Variants in CHD7 observed in about 807,000 individuals in gnomAD.
The protein encoded by CHD7 is ATP-dependent chromatin remodeler CHD7.
In CHD7, 24 loss-of-function variants were observed where a neutral mutation model predicts 307.3. The ratio of observed to expected loss-of-function variants is 0.08; its 90% CI spans 0.06 to 0.11. The LOEUF is 0.11. Ranked by LOEUF, CHD7 falls within the 10% of genes least tolerant of loss-of-function variation. The pLI, the probability that CHD7 is intolerant of heterozygous loss-of-function variation, is 1.00. For missense variants in CHD7, 3,106 were observed against 3,727.1 expected (o/e 0.83, Z 4.34); for synonymous variants, 1,363 against 1,349.9 (o/e 1.01, Z -0.21).
chr8:60,823,618 A>G (rs946021642), intron 12 of CHD7, among the ~76,000 whole-genome samples: 2 of 152,184 alleles, frequency 1.3e-5, no homozygotes, highest in Admixed American at 1.3e-4. Context: ...CTCTGTTAGG[A>G]AATTAGATCC....
chr8:60,693,574 T>G (rs1563520230), intron 1 of CHD7, among the ~76,000 whole-genome samples: 2 of 152,166 alleles, frequency 1.3e-5, no homozygotes. Flanking sequence ...TTCCCTGGCC[T>G]CCTCAGCTAT....
chr8:60,829,086 G>A (rs1437026648), intron 14 of CHD7, among the ~76,000 whole-genome samples: 1 of 152,172 alleles, frequency 6.6e-6, no homozygotes, highest in Admixed American at 6.5e-5. Context: ...TGTGCAGGTT[G>A]GTAGTTTTGC....
chr8:60,849,090 A>G lies in CHD7; in HGVS notation c.5340A>G (p.Glu1780=), dbSNP rs2150801685. 1.2e-6 allele frequency: 2 copies of G among 1,613,758 alleles called. No homozygotes were observed. The highest frequency in any genetic ancestry group is 1.7e-6 in the Non-Finnish European group (2 of 1,179,722). ...GGATCCCTGAACCTTTCCATGCTGA[A>G]GTTCCTGCAGATTGGTGGGATAAGG... is the stretch of plus-strand genomic sequence containing the variant. The part of the protein sequence containing the change: ...DVWIPEPFHA[E]VPADWWDKEA... The change falls in exon 25 of 38, where the codon GAA becomes GAG. Residue 1780 remains glutamate, a synonymous_variant. Transcript: ENST00000423902.
Position 60,781,227 on chromosome 8 carries a change from G to A in CHD7, c.1893G>A (p.Arg631=), listed in dbSNP as rs1414987518. Residue 631 remains arginine (R), a synonymous_variant, in exon 3 of 38, where the codon AGG becomes AGA. Transcript: ENST00000423902. ...PGGVDNQELN[R]NSLDGSQEEK... The stretch of plus-strand genomic sequence containing the variant: ...GGGTAGATAACCAAGAACTAAATAG[G>A]AACTCACTGGATGGGTCCCAAGAAG... The A allele has an allele frequency of 6.3e-7, 1 of 1,588,602 alleles. No individual in the cohort carries two copies. Among genetic ancestry groups the A allele is most frequent in the Non-Finnish European group, 8.6e-7 (1 of 1,167,148 alleles).
chr8:60,686,872 A>C (rs1805926513), intron 1 of CHD7, among the ~76,000 whole-genome samples: 1 of 152,202 alleles, frequency 6.6e-6, no homozygotes, highest in East Asian at 1.9e-4. Context: ...GAACTACTTT[A>C]ACTTTTTAGA....
At chr8:60,857,318 CCTT>C (rs1586454614) in intron 34 of CHD7, among the ~76,000 whole-genome samples, 1 of 152,158 alleles carries the variant, frequency 6.6e-6, no homozygotes, top group East Asian at 1.9e-4. Flanking sequence ...TCTCCTGTCT[CCTT>C]AAGTAGATAT....
chr8:60,752,675 G>C, intron 2 of CHD7, among the ~76,000 whole-genome samples: 1 of 152,174 alleles, frequency 6.6e-6, no homozygotes. Flanking sequence ...TTGATTTTTA[G>C]ATCATGTTTC....
At chr8:60,740,065 A>G (rs1294558849) in intron 1 of CHD7, among the ~76,000 whole-genome samples, 2 of 152,236 alleles carry the variant, frequency 1.3e-5, no homozygotes, top group African/African-American at 4.8e-5. Flanking sequence ...CAACAAAAAC[A>G]CTTTCCTGTT....
At chr8:60,861,163 C>A in intron 35 of CHD7, 38 bp downstream of exon 35, 2 of 1,468,170 alleles carry the variant, frequency 1.4e-6, no homozygotes, top group Non-Finnish European at 1.9e-6. Flanking sequence ...AGGAATCTTG[C>A]AGGCCGGTCC....
Position 60,795,089 on chromosome 8 carries a change from T to G in CHD7, c.2200T>G (p.Ser734Ala). 6.2e-7 allele frequency: 1 copy of G among 1,613,668 alleles called. No individual in the cohort carries two copies. The highest frequency in any genetic ancestry group is 8.5e-7 in the Non-Finnish European group (1 of 1,179,714). ...AGACTTAGACAAAACACCCCCACCA[T>G]CTCCTCCTCCTGAAGAAGATGAGGA... Reference protein sequence around the residue: ...NSDLDKTPPPSPPPEEDEDPG... With the variant: ...NSDLDKTPPPAPPPEEDEDPG... The change falls in exon 4 of 38, where the codon TCT becomes GCT. Residue 734 changes from serine (S) to alanine (A), a missense_variant. Transcript: ENST00000423902.
At chr8:60,699,879 A>G (rs1349258095) in intron 1 of CHD7, among the ~76,000 whole-genome samples, 1 of 150,146 alleles carries the variant, frequency 6.7e-6, no homozygotes, top group East Asian at 2.0e-4. Flanking sequence ...TTTGTTGCCC[A>G]GGCTGGTGTG....
chr8:60,853,618 T>G (rs1805578340), intron 31 of CHD7, 118 bp downstream of exon 31: 1 of 756,034 alleles, frequency 1.3e-6, no homozygotes, highest in Non-Finnish European at 2.0e-6. Context: ...CATTTTCTTC[T>G]GTGAAGGGAT....
At position 60,821,935 on chromosome 8, in the gene CHD7, T is replaced by C. The variant is rs202141372; in HGVS notation, c.2835+8T>C. 1.0e-3 allele frequency: 1,649 copies of C among 1,613,294 alleles called. 1 individual carries two copies. Among genetic ancestry groups the C allele is most frequent in the Non-Finnish European group, 1.2e-3 (1,437 of 1,179,594 alleles). On this transcript the variant is annotated splice_region_variant and intron_variant, in intron 10 of 37. Transcript: ENST00000423902. ...CCGGAAACAGAGCGTGTGGTAAGAA[T>C]TGGCTGATGGTAGAGAATTTAATTT...
chr8:60,769,260 T>C (rs1330881214), intron 2 of CHD7, among the ~76,000 whole-genome samples: 1 of 152,218 alleles, frequency 6.6e-6, no homozygotes, highest in Non-Finnish European at 1.5e-5. Context: ...ACTGCTGTTT[T>C]ATAACCATAT....
chr8:60,861,113 A>G lies in CHD7; in HGVS notation c.7818A>G (p.Pro2606=), dbSNP rs764474527. The stretch of plus-strand genomic sequence containing the variant: ...ACCCTACTTACACTGTTGATATGCC[A>G]AGTTATGTACCAGTGAGTATTGCAG... ...KLHPTYTVDM[P]SYVPKNADVL... is the part of the protein sequence containing the mutation. Residue 2606 remains proline, a synonymous_variant, in exon 35 of 38, where the codon CCA becomes CCG. Transcript: ENST00000423902. 3 of 1,587,756 alleles carry G rather than the reference A, an allele frequency of 1.9e-6. No homozygotes were observed. Among genetic ancestry groups the G allele is most frequent in the Non-Finnish European group, 1.7e-6 (2 of 1,166,858 alleles).
chr8:60,700,572 G>A (rs558613052), intron 1 of CHD7, among the ~76,000 whole-genome samples: 1 of 152,212 alleles, frequency 6.6e-6, no homozygotes, highest in Admixed American at 6.5e-5. Flanking sequence ...CAACTATTAC[G>A]TTGCTCATTT....
intron 1 of CHD7, among the ~76,000 whole-genome samples, chr8:60,736,903 C>A (rs1269833403): frequency 6.6e-6 from 1 of 152,038 alleles, no homozygotes; most frequent in East Asian, 1.9e-4. Context: ...TAAAACTCAG[C>A]TATACAAATG....
In CHD7 at chr8:60,856,184, G is replaced by T; in HGVS notation, c.7146G>T (p.Thr2382=). 2 of 1,592,022 alleles carry T rather than the reference G, an allele frequency of 1.3e-6. No homozygotes were observed. The highest frequency in any genetic ancestry group is 1.7e-6 in the Non-Finnish European group (2 of 1,168,316). ...TTAGTGGGAGTGAGGACATCACTAC[G>T]TCTCCTCAGTTGTCAAAGGTGAATT... is the stretch of plus-strand genomic sequence containing the variant. ...ASISGSEDIT[T]SPQLSKEDAL... is the part of the protein sequence containing the mutation. The change falls in exon 33 of 38, where the codon ACG becomes ACT. Residue 2382 remains threonine (T), a synonymous_variant. Coordinates refer to ENST00000423902, the MANE Select transcript of CHD7 (RefSeq NM_017780.4).
intron 16 of CHD7, 49 bp from the exon 17 acceptor site, chr8:60,836,768 A>G (rs1804760766): frequency 2.2e-6 from 3 of 1,341,162 alleles, no homozygotes; most frequent in Non-Finnish European, 2.1e-6. Context: ...AGGAGCAAGT[A>G]TGTTGTCGCT....
Sources: allele counts gnomAD v4.1 joint callset (sites outside exome capture counted in the v4.1 genomes callset), GRCh38; gene constraint gnomAD v4.1.1; transcripts MANE v1.5; gene names NCBI Gene and HGNC (gene_info 2026-07-23, HGNC 2026-07-21).